The following DCAF8L2 variants were observed in gnomAD, a reference collection of about 807,000 sequenced individuals.
The protein encoded by DCAF8L2 is DDB1- and CUL4-associated factor 8-like protein 2.
For synonymous variants in DCAF8L2, 200 were observed against 190.9 expected (o/e 1.05, Z -0.39); for missense variants, 430 against 490.7 (o/e 0.88, Z 1.17).
intron 2 of DCAF8L2, among the ~76,000 whole-genome samples, chrX:27,659,232 G>C (rs1929466900): frequency 8.9e-6 from 1 of 112,068 alleles, no homozygotes; most frequent in Non-Finnish European, 1.9e-5. Context: ...TACCTAAAGG[G>C]CACTGCTTTA....
intron 3 of DCAF8L2, among the ~76,000 whole-genome samples, chrX:27,704,267 C>T (rs888596683): frequency 7.7e-5 from 8 of 103,626 alleles, no homozygotes; most frequent in African/African-American, 2.5e-4. Context: ...CGTATATATA[C>T]GTATATATGT....
Position 27,619,009 on chromosome X carries a change from A to ATCTG in DCAF8L2, c.-341-12867_-341-12866insGTCT, listed in dbSNP as rs1236020874. Among the ~76,000 whole-genome samples, 10 of 86,307 alleles carry ATCTG rather than the reference A, an allele frequency of 1.2e-4. No individual in the cohort carries two copies. The East Asian group carries it at 3.3e-3, about 28-fold the overall frequency. 74.9% of individuals were successfully genotyped at this position (86,307 alleles called of 115,157 possible). ...TATTATCTATATCTATATCTAATCTATCTATCTATCTATCTATCTATCTAT... is the reference window on the plus strand; with the variant it reads ...TATTATCTATATCTATATCTAATCTATCTGTCTATCTATCTATCTATCTATCTAT... On this transcript the variant is annotated intron_variant, in intron 1 of 4. Coordinates refer to ENST00000451261, the MANE Select transcript of DCAF8L2 (RefSeq NM_001353450.2).
intron 3 of DCAF8L2, among the ~76,000 whole-genome samples, chrX:27,678,642 C>A (rs919443116): frequency 9.0e-6 from 1 of 111,411 alleles, no homozygotes. Context: ...CTACAACAGG[C>A]AAATTTGTAG....
chrX:27,681,591 A>T (rs1482549716), intron 3 of DCAF8L2, among the ~76,000 whole-genome samples: 1 of 112,341 alleles, frequency 8.9e-6, no homozygotes, highest in Non-Finnish European at 1.9e-5. Flanking sequence ...AAAATATATC[A>T]GTCAGTAGTA....
At chrX:27,734,213 AC>A (rs10712826) in intron 4 of DCAF8L2, among the ~76,000 whole-genome samples, 53,907 of 109,841 alleles carry the variant, frequency 0.49, 10,673 homozygotes, top group African/African-American at 0.75. Context: ...AAGAAATTAA[AC>A]CCCATCTAAA....
chrX:27,540,135 C>A, the DCAF8L2 span, among the ~76,000 whole-genome samples: 1 of 111,679 alleles, frequency 9.0e-6, no homozygotes, highest in African/African-American at 3.3e-5. Flanking sequence ...TCTGTTACAA[C>A]TCTCAATTGT....
the DCAF8L2 span, among the ~76,000 whole-genome samples, chrX:27,579,409 G>A: frequency 9.1e-6 from 1 of 109,789 alleles, no homozygotes; most frequent in Non-Finnish European, 1.9e-5. Flanking sequence ...GCCTGTTGGG[G>A]GTGTAGGGGG....
At chrX:27,588,087 G>C (rs912243437), upstream of DCAF8L2, among the ~76,000 whole-genome samples, 3 of 106,301 alleles carry the variant, frequency 2.8e-5, no homozygotes, top group African/African-American at 1.0e-4. Flanking sequence ...GCATGATGCT[G>C]AGGTTTGAAA....
At chrX:27,518,575 T>C in the DCAF8L2 span, 1 of 275,649 alleles carries the variant, frequency 3.6e-6, no homozygotes, top group African/African-American at 2.8e-5. Context: ...CCGTCTCTAC[T>C]AAAAATACAA....
At chrX:27,574,393 T>C in the DCAF8L2 span, among the ~76,000 whole-genome samples, 1 of 111,705 alleles carries the variant, frequency 9.0e-6, no homozygotes, top group Non-Finnish European at 1.9e-5. Context: ...TTTTATACAG[T>C]TTGCAAATTA....
At position 27,711,377 on chromosome X, in the gene DCAF8L2, A is replaced by ATG. The variant is rs758790378; in HGVS notation, c.-142-4693_-142-4692dup. Among the ~76,000 whole-genome samples, 482 of 96,341 alleles carry ATG rather than the reference A, an allele frequency of 5.0e-3. 5 individuals carry two copies. Among genetic ancestry groups the ATG allele is most frequent in the South Asian group, 0.048 (104 of 2,171 alleles). The allele number at this position is 96,341 out of a possible 115,157, so 83.7% of individuals were successfully genotyped here. On this transcript the variant is annotated intron_variant, in intron 3 of 4. Transcript: ENST00000451261. Reference sequence around the variant, plus strand: ...GGGTGAATAATTTTCCTACATCTATATGTGTGTGTGTGTGTGTGTACGTGT... The same window carrying ATG: ...GGGTGAATAATTTTCCTACATCTATATGTGTGTGTGTGTGTGTGTGTACGTGT...
chrX:27,496,674 A>G, the DCAF8L2 span, among the ~76,000 whole-genome samples: 169 of 111,874 alleles, frequency 1.5e-3, no homozygotes, highest in African/African-American at 5.0e-3. Context: ...TTTACTTATT[A>G]TGTATAATGA....
the DCAF8L2 span, among the ~76,000 whole-genome samples, chrX:27,532,728 A>C: frequency 5.0e-5 from 1 of 20,160 alleles, no homozygotes. Flanking sequence ...TGAGACCCAT[A>C]TTTATTTATT....
At chrX:27,720,151 T>C (rs764373221) in intron 4 of DCAF8L2, among the ~76,000 whole-genome samples, 19 of 111,152 alleles carry the variant, frequency 1.7e-4, no homozygotes, top group African/African-American at 5.9e-4. Flanking sequence ...ATATTTCCCC[T>C]ATTGGAATAC....
the DCAF8L2 span, among the ~76,000 whole-genome samples, chrX:27,533,232 A>G: frequency 7.4e-3 from 273 of 36,892 alleles, 6 homozygotes; most frequent in African/African-American, 0.018. Context: ...GAAAGAAAGA[A>G]AGAGAAAGAA....
chrX:27,703,967 G>T (rs1050162331), intron 3 of DCAF8L2, among the ~76,000 whole-genome samples: 1 of 107,600 alleles, frequency 9.3e-6, no homozygotes, highest in Non-Finnish European at 1.9e-5. Flanking sequence ...CGCACAATGA[G>T]AAAAAATATT....
At chrX:27,512,194 C>G in the DCAF8L2 span, among the ~76,000 whole-genome samples, 1 of 110,888 alleles carries the variant, frequency 9.0e-6, no homozygotes, top group African/African-American at 3.3e-5. Flanking sequence ...TTGATTCAGC[C>G]CTGGAAGTTG....
chrX:27,561,678 G>A, the DCAF8L2 span, among the ~76,000 whole-genome samples: 1 of 105,636 alleles, frequency 9.5e-6, no homozygotes, highest in Non-Finnish European at 2.1e-5. Context: ...AATATGCATG[G>A]GGGGGTTGTG....
rs372484466 is a variant in DCAF8L2 at position 27,747,887 on chromosome X, C to T, written c.992C>T (p.Pro331Leu). 8.3e-7 allele frequency: 1 copy of T among 1,210,724 alleles called. No homozygotes were observed. Among genetic ancestry groups the T allele is most frequent in the East Asian group, 3.0e-5 (1 of 33,773 alleles). Residue 331 changes from proline (P) to leucine (L), a missense_variant, in exon 5 of 5, where the codon CCT becomes CTT. Pro to Leu is a moderately conservative substitution (Grantham distance 98). Transcript: ENST00000451261. ...AHKLALEPDSPYKFLTSGEDA... is the reference protein window; with the variant it reads ...AHKLALEPDSLYKFLTSGEDA... Reference sequence around the variant, plus strand: ...AAGTTGGCTCTGGAGCCTGACTCTCCTTATAAGTTCCTCACTTCAGGTGAA... The same window carrying T: ...AAGTTGGCTCTGGAGCCTGACTCTCTTTATAAGTTCCTCACTTCAGGTGAA...
Sources: allele counts gnomAD v4.1 joint callset (sites outside exome capture counted in the v4.1 genomes callset), GRCh38; gene constraint gnomAD v4.1.1; transcripts MANE v1.5; gene names NCBI Gene and HGNC (gene_info 2026-07-23, HGNC 2026-07-21).